TXNL4A: variants seen among roughly 807,000 people sequenced by gnomAD.
The protein encoded by TXNL4A is thioredoxin-like protein 4A.
TXNL4A carries 17 observed loss-of-function variants against 14.6 expected under a neutral mutation model. The ratio of observed to expected loss-of-function variants is 1.16; its 90% confidence interval spans 0.80 to 1.74. The LOEUF (loss-of-function observed/expected upper bound fraction) is 1.74, where lower values mean the gene tolerates loss of function less well. TXNL4A is among the 40% of genes most tolerant of loss of function. The pLI is 0.00. For synonymous variants in TXNL4A, 83 were observed against 70.6 expected, an observed-to-expected ratio of 1.18 and a Z score of -0.88; for missense variants, 74 against 195.2, an observed-to-expected ratio of 0.38 and a Z score of 3.70.
At chr18:80,007,261 G>A (rs1025685181) in intron 1 of TXNL4A, among the ~76,000 whole-genome samples, 6 of 152,194 alleles carry the variant, frequency 3.9e-5, no homozygotes, top group Non-Finnish European at 8.8e-5. Context: ...TCAGCTGGGA[G>A]CATCGGCAAG....
At chr18:80,021,082 G>A (rs1402771632) in intron 1 of TXNL4A, among the ~76,000 whole-genome samples, 1 of 152,150 alleles carries the variant, frequency 6.6e-6, no homozygotes, top group Non-Finnish European at 1.5e-5. Flanking sequence ...AGAAAACTCA[G>A]AGAGATTTTT....
intron 2 of TXNL4A, among the ~76,000 whole-genome samples, chr18:79,974,767 C>T (rs1345899926): frequency 1.3e-5 from 2 of 152,230 alleles, no homozygotes; most frequent in African/African-American, 4.8e-5. Flanking sequence ...ACGTGAGCCA[C>T]TGTGCCGGCC....
chr18:79,979,317 T>A (rs2051428225), intron 1 of TXNL4A: 1 of 152,246 alleles, frequency 6.6e-6, no homozygotes, highest in South Asian at 2.1e-4. Context: ...ATCAAATGGC[T>A]ATGCCATTAC....
Position 80,028,689 on chromosome 18 carries a change from G to A in TXNL4A, c.-61+5162C>T, listed in dbSNP as rs2004572. The stretch of plus-strand genomic sequence containing the variant: ...GGAAGCCAGATCATCTCAAGTGGCC[G>A]AGTTGATTGCCCTGACCCGTGGTTG... On this transcript the variant is annotated intron_variant, in intron 1 of 2. Coordinates refer to the TXNL4A transcript ENST00000585474. Among the ~76,000 whole-genome samples the A allele has an allele frequency of 6.7e-3, 1,013 of 152,290 alleles. 12 individuals are homozygous for A. The highest frequency in any genetic ancestry group is 0.023 in the African/African-American group (962 of 41,548).
chr18:80,020,286 G>C (rs2051840035), intron 1 of TXNL4A, among the ~76,000 whole-genome samples: 1 of 152,142 alleles, frequency 6.6e-6, no homozygotes, highest in Non-Finnish European at 1.5e-5. Flanking sequence ...AAAGTGGCTG[G>C]GTTCAGGCCA....
chr18:80,023,982 C>T (rs548778781), intron 1 of TXNL4A, among the ~76,000 whole-genome samples: 3 of 152,296 alleles, frequency 2.0e-5, no homozygotes, highest in South Asian at 2.1e-4. Flanking sequence ...TCACTTTCTT[C>T]GATTGACATC....
upstream of TXNL4A, among the ~76,000 whole-genome samples, chr18:79,990,489 T>C (rs2051619649): frequency 6.6e-6 from 1 of 152,174 alleles, no homozygotes; most frequent in Admixed American, 6.5e-5. Context: ...CTGTACTTCA[T>C]TGGCACCAGG....
rs377537532 is a variant in TXNL4A, at chr18:80,023,412, G to A, written c.-61+10439C>T. 2.8e-4 allele frequency among the ~76,000 whole-genome samples: 42 copies of A among 152,270 alleles called. 1 individual carries two copies. The East Asian group carries it at 3.7e-3, about 13-fold the overall frequency. ...AAATCCTATTCCACTAGGTGGCGCC[G>A]TAGGGTTGCAAACGTTACGTAAAAA... is the stretch of plus-strand genomic sequence containing the variant. On this transcript the variant is annotated intron_variant, in intron 1 of 2. Transcript: ENST00000585474.
In TXNL4A at chr18:79,977,966, G is replaced by C. The variant is rs1365199121; in HGVS notation, c.154-265C>G. 7.1e-6 allele frequency: 3 copies of C among 419,902 alleles called. No individual in the cohort carries two copies. The Admixed American group carries it at 1.2e-4, about 17-fold the overall frequency. 26.0% of individuals were successfully genotyped at this position (419,902 alleles called of 1,614,324 possible). ...TTATAGGAGTGAGCCATCACTCCTG[G>C]CCAACGGGGCAATTTTCAAACTAAT... On this transcript the variant is annotated intron_variant, in intron 1 of 2. Transcript: ENST00000269601.
intron 1 of TXNL4A, among the ~76,000 whole-genome samples, chr18:80,026,742 T>C (rs61360938): frequency 4.4e-5 from 2 of 45,610 alleles, no homozygotes. Flanking sequence ...AGGTCCCACA[T>C]GTCTCTTATA....
chr18:80,000,179 G>A (rs781180924), intron 1 of TXNL4A, among the ~76,000 whole-genome samples: 13 of 152,136 alleles, frequency 8.5e-5, no homozygotes, highest in Non-Finnish European at 1.0e-4. Context: ...GGTAGAGGTC[G>A]GAACAGTTTG....
chr18:80,024,516 A>G (rs1172105247), intron 1 of TXNL4A, among the ~76,000 whole-genome samples: 3 of 151,944 alleles, frequency 2.0e-5, no homozygotes, highest in Admixed American at 6.6e-5. Flanking sequence ...CCTTTCCCCA[A>G]TCAGATGTGA....
At chr18:80,002,262 A>C (rs1014257019) in intron 1 of TXNL4A, among the ~76,000 whole-genome samples, 1 of 152,216 alleles carries the variant, frequency 6.6e-6, no homozygotes, top group Non-Finnish European at 1.5e-5. Context: ...CAGATGGTCA[A>C]GGAATCTGCA....
chr18:80,030,752 G>T (rs1599759885), intron 1 of TXNL4A, among the ~76,000 whole-genome samples: 1 of 152,168 alleles, frequency 6.6e-6, no homozygotes, highest in East Asian at 1.9e-4. Flanking sequence ...GATCATTTGA[G>T]ATCAGGAGTT....
chr18:79,974,289 TCA>T (rs2051346090), intron 2 of TXNL4A, among the ~76,000 whole-genome samples: 1 of 152,244 alleles, frequency 6.6e-6, no homozygotes, highest in Non-Finnish European at 1.5e-5. Flanking sequence ...TGTAAGTTTT[TCA>T]CAGTGCTCTT....
chr18:80,011,547 G>A lies in TXNL4A; in HGVS notation c.-61+22304C>T, dbSNP rs901059767. ...AAAGAGTTTCTGGGGCGCCAGATGA[G>A]TTGGTCTCCCCTGTGTGAGACACCC... is the stretch of plus-strand genomic sequence containing the variant. On this transcript the variant is annotated intron_variant, in intron 1 of 2. Transcript: ENST00000585474. The surrounding 1 kb of genome is among the most constrained non-coding windows in gnomAD (Gnocchi z 4.1). 7.2e-5 allele frequency among the ~76,000 whole-genome samples: 11 copies of A among 152,132 alleles called. No homozygotes were observed. Among genetic ancestry groups the A allele is most frequent in the Admixed American group, 4.6e-4 (7 of 15,270 alleles).
intron 1 of TXNL4A, among the ~76,000 whole-genome samples, chr18:79,981,128 T>C (rs898676159): frequency 2.0e-5 from 3 of 152,232 alleles, no homozygotes; most frequent in Admixed American, 2.0e-4. Flanking sequence ...GTCAAAATAA[T>C]ATTTCATTAT....
intron 1 of TXNL4A, among the ~76,000 whole-genome samples, chr18:80,031,800 G>A (rs890594908): frequency 9.9e-5 from 15 of 152,164 alleles, no homozygotes; most frequent in East Asian, 3.8e-4. Flanking sequence ...AACATAACCC[G>A]GCTTATGACT....
intron 1 of TXNL4A, among the ~76,000 whole-genome samples, chr18:80,006,292 G>T (rs542480892): frequency 1.3e-5 from 2 of 152,214 alleles, no homozygotes; most frequent in African/African-American, 4.8e-5. Flanking sequence ...GCTGAGGCAG[G>T]AGAATCGCTT....
Sources: gnomAD v4.1 joint callset for allele counts (sites outside exome capture counted in the v4.1 genomes callset) on GRCh38, gnomAD v4.1.1 for gene constraint, Gnocchi (gnomAD v3.1) non-coding constraint, MANE v1.5 for transcripts, NCBI Gene and HGNC (gene_info 2026-07-23, HGNC 2026-07-21) for gene names.